The following SMTNL1 variants were observed in gnomAD, a reference collection of about 807,000 sequenced individuals.
SMTNL1 encodes the protein smoothelin like 1, also known as smoothelin-like protein 1.
Under a neutral mutation model 46.6 loss-of-function variants are expected in SMTNL1, and 41 were observed. That is an observed-to-expected ratio of 0.88 (90% CI 0.69 to 1.14). The LOEUF (loss-of-function observed/expected upper bound fraction) is 1.14. Ranked by LOEUF, SMTNL1 falls within the 50% of genes most tolerant of loss-of-function variation. The probability of loss-of-function intolerance (pLI) is 0.00; values close to 1 mark genes in which losing one functional copy is unlikely to be tolerated. For missense variants in SMTNL1, 591 were observed against 626.1 expected (o/e 0.94, Z 0.60); for synonymous variants, 234 against 234.2 (o/e 1.00, Z 0.01).
rs778199922 is a variant in SMTNL1, at chr11:57,543,711, G to C, written c.820G>C (p.Glu274Gln). ...GAGVIPSSPEEWPESPTGEGH... is the reference protein window; with the variant it reads ...GAGVIPSSPEQWPESPTGEGH... ...AGGGGTGATTCCCAGCTCCCCAGAG[G>C]AGTGGCCTGAGAGCCCCACTGGGGA... The change falls in exon 3 of 8, where the codon GAG (glutamate) becomes CAG (glutamine). Residue 274 changes from glutamate to glutamine, a missense_variant. Coordinates refer to ENST00000527972, the MANE Select transcript of SMTNL1 (RefSeq NM_001105565.3). 5 of 1,574,868 alleles carry C rather than the reference G, an allele frequency of 3.2e-6. No homozygotes were observed. The highest frequency in any genetic ancestry group is 4.3e-6 in the Non-Finnish European group (5 of 1,160,380).
In SMTNL1 at chr11:57,545,973, C is replaced by A; in HGVS notation, c.1010C>A (p.Ala337Asp). 6.2e-7 allele frequency: 1 copy of A among 1,610,944 alleles called. No individual in the cohort carries two copies. Among genetic ancestry groups the A allele is most frequent in the Non-Finnish European group, 8.5e-7 (1 of 1,178,926 alleles). Residue 337 changes from alanine (A) to aspartate (D), a missense_variant, in exon 5 of 8, where the codon GCC becomes GAC. Transcript: ENST00000527972. Reference protein sequence around the residue: ...KEKAPERRVSAPARPRGPRAQ... With the variant: ...KEKAPERRVSDPARPRGPRAQ... ...AAGGCACCAGAGCGCAGGGTATCAGCCCCTGCTCGGCCCCGGGGGCCCCGG... is the reference window on the plus strand; with the variant it reads ...AAGGCACCAGAGCGCAGGGTATCAGACCCTGCTCGGCCCCGGGGGCCCCGG...
chr11:57,550,210 G>C lies in SMTNL1; in HGVS notation c.*98G>C. 1 of 1,313,250 alleles carries C rather than the reference G, an allele frequency of 7.6e-7. No homozygotes were observed. Among genetic ancestry groups the C allele is most frequent in the Non-Finnish European group, 1.0e-6 (1 of 964,356 alleles). The allele number at this position is 1,313,250 out of a possible 1,614,324, so 81.3% of individuals were successfully genotyped here. A position where few individuals can be genotyped will look rare whatever the true frequency, so the allele number is the denominator to read the frequency against. On this transcript the variant is annotated 3_prime_UTR_variant, in exon 8 of 8. Coordinates refer to ENST00000527972, the MANE Select transcript of SMTNL1 (RefSeq NM_001105565.3). ...CTGCTCCATGGAGGCACCAGAGCCA[G>C]GGGCTTAGGCAAGGGTGTGTGGCGT...
rs1944904127 is a variant in SMTNL1 at position 57,544,146 on chromosome 11, G to T, written c.917+226G>T. ...TGTAATCCCGGCACTCTTGGAGGCT[G>T]AGGTGGGTGGATTACCTGAGGTCAT... On this transcript the variant is annotated intron_variant, in intron 4 of 7. Coordinates refer to ENST00000527972, the MANE Select transcript of SMTNL1 (RefSeq NM_001105565.3). Among the ~76,000 whole-genome samples, 4 of 152,244 alleles carry T rather than the reference G, an allele frequency of 2.6e-5. No homozygotes were observed. The South Asian group carries it at 8.3e-4, about 32-fold the overall frequency.
chr11:57,541,648 A>G (rs917404470), intron 1 of SMTNL1: 7 of 1,289,978 alleles, frequency 5.4e-6, no homozygotes, highest in African/African-American at 1.5e-5. Flanking sequence ...GCAAAGCTCC[A>G]GAGACCAGTT....
chr11:57,543,694 T>G lies in SMTNL1; in HGVS notation c.803T>G (p.Ile268Ser). ...GAGCCAGAGGGAGGGGCAGGGGTGA[T>G]TCCCAGCTCCCCAGAGGAGTGGCCT... ...EKEPEGGAGV[I>S]PSSPEEWPES... Residue 268 changes from isoleucine to serine, a missense_variant, in exon 3 of 8, where the codon ATT (isoleucine) becomes AGT (serine). Physicochemically the swap from Ile to Ser is moderately radical, Grantham distance 142. Coordinates refer to ENST00000527972, the MANE Select transcript of SMTNL1 (RefSeq NM_001105565.3). The G allele has an allele frequency of 6.3e-7, 1 of 1,589,204 alleles. No homozygotes were observed. Among genetic ancestry groups the G allele is most frequent in the South Asian group, 1.1e-5 (1 of 87,066 alleles).
At chr11:57,544,499 A>T (rs1944907087) in intron 4 of SMTNL1, among the ~76,000 whole-genome samples, 1 of 152,190 alleles carries the variant, frequency 6.6e-6, no homozygotes, top group Non-Finnish European at 1.5e-5. Flanking sequence ...ACTTCACAGG[A>T]GCTCCTTATC....
Position 57,543,171 on chromosome 11 carries a change from G to T in SMTNL1, c.529G>T (p.Glu177Ter). ...EEEDAKTASQEETGQRKECST... is the reference protein window; with the variant it reads ...EEEDAKTASQ ...GGAGGACGCCAAGACAGCCTCTCAGGAGGAGACAGGCCAGAGGAAAGAGTG... is the reference window on the plus strand; with the variant it reads ...GGAGGACGCCAAGACAGCCTCTCAGTAGGAGACAGGCCAGAGGAAAGAGTG... Residue 177 changes from glutamate to a stop codon, truncating the protein, a stop_gained, in exon 2 of 8, where the codon GAG becomes TAG. Coordinates refer to ENST00000527972, the MANE Select transcript of SMTNL1 (RefSeq NM_001105565.3). LOFTEE classifies it high-confidence loss of function. 6.2e-7 allele frequency: 1 copy of T among 1,613,804 alleles called. No homozygotes were observed. The highest frequency in any genetic ancestry group is 1.1e-5 in the South Asian group (1 of 91,046).
intron 1 of SMTNL1, among the ~76,000 whole-genome samples, chr11:57,538,270 C>T (rs143072858): frequency 7.2e-5 from 11 of 152,220 alleles, no homozygotes; most frequent in African/African-American, 2.2e-4. Flanking sequence ...GGGTGGCAGA[C>T]GCACCACAGA....
chr11:57,541,407 A>G lies in SMTNL1; in HGVS notation c.-2-1234A>G. On this transcript the variant is annotated intron_variant, in intron 1 of 7. Transcript: ENST00000527972. Reference sequence around the variant, plus strand: ...CCCAAAAAGGGCAGGAGCATGAAGGAGCTAACCCGGGGCCCCCACACACCT... The same window carrying G: ...CCCAAAAAGGGCAGGAGCATGAAGGGGCTAACCCGGGGCCCCCACACACCT... The G allele has an allele frequency of 3.0e-6, 3 of 1,011,638 alleles. 1 individual carries two copies. Among genetic ancestry groups the G allele is most frequent in the East Asian group, 1.1e-4 (2 of 18,212 alleles). 62.7% of individuals were successfully genotyped at this position (1,011,638 alleles called of 1,614,324 possible). A position where few individuals can be genotyped will look rare whatever the true frequency, so the allele number is the denominator to read the frequency against.
rs374590454 is a variant in SMTNL1 at position 57,543,193 on chromosome 11, A to T, written c.551A>T (p.Glu184Val). 9 of 1,613,838 alleles carry T rather than the reference A, an allele frequency of 5.6e-6. No homozygotes were observed. The highest frequency in any genetic ancestry group is 7.6e-6 in the Non-Finnish European group (9 of 1,179,864). Residue 184 changes from glutamate (E) to valine (V), a missense_variant, in exon 2 of 8, where the codon GAG becomes GTG. Transcript: ENST00000527972. The stretch of plus-strand genomic sequence containing the variant: ...CAGGAGGAGACAGGCCAGAGGAAAG[A>T]GTGCAGCACTGAACCCAAGGAGAAG... ...ASQEETGQRK[E>V]CSTEPKEKAT...
Position 57,542,541 on chromosome 11 carries a change from C to T in SMTNL1, c.-2-100C>T, listed in dbSNP as rs990117774. The T allele has an allele frequency of 2.9e-6, 4 of 1,389,876 alleles. No individual in the cohort carries two copies. The African/African-American group carries it at 5.8e-5, about 20-fold the overall frequency. The allele number at this position is 1,389,876 out of a possible 1,614,324, so 86.1% of individuals were successfully genotyped here. On this transcript the variant is annotated intron_variant, in intron 1 of 7. Transcript: ENST00000527972. ...GTCCAAGTAGGAGCCAAGACTGAACCACGGACTTCCTGACTCCCAGGCCAG... is the reference window on the plus strand; with the variant it reads ...GTCCAAGTAGGAGCCAAGACTGAACTACGGACTTCCTGACTCCCAGGCCAG...
rs200373819 is a variant in SMTNL1, at chr11:57,542,807, G to A, written c.165G>A (p.Lys55=). The A allele has an allele frequency of 1.2e-6, 2 of 1,613,892 alleles. No homozygotes were observed. The highest frequency in any genetic ancestry group is 1.1e-5 in the South Asian group (1 of 91,040). The change falls in exon 2 of 8, where the codon AAG becomes AAA. Residue 55 remains lysine (K), a synonymous_variant. Transcript: ENST00000527972. ...GPPTESGKQE[K]APAEDGMSAE... is the part of the protein sequence containing the mutation. ...CCACTGAGTCAGGAAAGCAGGAAAA[G>A]GCACCAGCCGAGGACGGCATGTCAG...
intron 6 of SMTNL1, 37 bp downstream of exon 6, chr11:57,546,384 G>A (rs1373015387): frequency 1.3e-6 from 2 of 1,545,166 alleles, no homozygotes; most frequent in East Asian, 2.3e-5. Context: ...TGGGGCAGGG[G>A]TCCAGGGAGG....
intron 1 of SMTNL1, among the ~76,000 whole-genome samples, chr11:57,539,673 G>A (rs1235357511): frequency 6.6e-6 from 1 of 152,168 alleles, no homozygotes; most frequent in African/African-American, 2.4e-5. Flanking sequence ...GCTATTCATA[G>A]GCATCATTAT....
In SMTNL1 at chr11:57,542,135, C is replaced by CAAAA. The variant is rs1267353292; in HGVS notation, c.-2-505_-2-504insAAAA. ...AAAAACACACACACACACACACACACACACACACAAAAATTAGCCAGGTGT... is the reference window on the plus strand; with the variant it reads ...AAAAACACACACACACACACACACACAAAAACACACACAAAAATTAGCCAGGTGT... On this transcript the variant is annotated intron_variant, in intron 1 of 7. Transcript: ENST00000527972. 9.5e-4 allele frequency among the ~76,000 whole-genome samples: 141 copies of CAAAA among 148,528 alleles called. 2 individuals are homozygous for CAAAA. The highest frequency in any genetic ancestry group is 3.4e-3 in the African/African-American group (135 of 40,092).
intron 1 of SMTNL1, among the ~76,000 whole-genome samples, chr11:57,540,798 C>T (rs1423378148): frequency 6.6e-6 from 1 of 151,964 alleles, no homozygotes; most frequent in Non-Finnish European, 1.5e-5. Context: ...GCAACCTCCA[C>T]CTCCCGGGTT....
At chr11:57,541,191 GC>G (rs766078276) in intron 1 of SMTNL1, among the ~76,000 whole-genome samples, 1 of 152,166 alleles carries the variant, frequency 6.6e-6, no homozygotes, top group Non-Finnish European at 1.5e-5. Context: ...TGGGAAAAAA[GC>G]CCTATCCCTG....
At chr11:57,546,688 G>T in intron 7 of SMTNL1, 36 bp downstream of exon 7, 1 of 1,597,072 alleles carries the variant, frequency 6.3e-7, no homozygotes, top group Non-Finnish European at 8.5e-7. Flanking sequence ...AGCTGGATGG[G>T]AGCCTAGGCG....
Position 57,543,927 on chromosome 11 carries a change from T to A in SMTNL1, c.917+7T>A, listed in dbSNP as rs369944874. The stretch of plus-strand genomic sequence containing the variant: ...AGACCAGTCCTTCAGCCAGGTAATG[T>A]CAAACTCTGGGGCTCCAGCTCCAAT... On this transcript the variant is annotated splice_region_variant and intron_variant, in intron 4 of 7. Coordinates refer to ENST00000527972, the MANE Select transcript of SMTNL1 (RefSeq NM_001105565.3). The A allele has an allele frequency of 1.9e-6, 3 of 1,576,772 alleles. No individual in the cohort carries two copies. The African/African-American group carries it at 4.1e-5, about 21-fold the overall frequency.
Sources: gnomAD v4.1 joint callset for allele counts (sites outside exome capture counted in the v4.1 genomes callset) on GRCh38, gnomAD v4.1.1 for gene constraint, MANE v1.5 for transcripts, NCBI Gene and HGNC (gene_info 2026-07-23, HGNC 2026-07-21) for gene names.